Variants in HIVEP3 observed in about 807,000 individuals in gnomAD.
HIVEP3 encodes the protein HIVEP zinc finger 3.
In HIVEP3, 49 loss-of-function variants were observed where a neutral mutation model predicts 152.8. The ratio of observed to expected loss-of-function variants is 0.32; its 90% confidence interval spans 0.26 to 0.41. The LOEUF (loss-of-function observed/expected upper bound fraction) is 0.41, where lower values mean the gene tolerates loss of function less well. Ranked by LOEUF, HIVEP3 falls within the 10% of genes least tolerant of loss-of-function variation. HIVEP3 has a pLI of 1.00. For missense variants in HIVEP3, 2,790 were observed against 3,103.3 expected, an observed-to-expected ratio of 0.90 and a Z score of 2.40; for synonymous variants, 1,269 against 1,289.0, an observed-to-expected ratio of 0.98 and a Z score of 0.33.
chr1:41,802,854 T>G (rs571164259), intron 1 of HIVEP3, among the ~76,000 whole-genome samples: 1 of 152,290 alleles, frequency 6.6e-6, no homozygotes, highest in East Asian at 1.9e-4. Context: ...AGTTGCTAAT[T>G]TGACCTCTGA....
At chr1:41,687,042 T>TG (rs1646125263) in intron 2 of HIVEP3, among the ~76,000 whole-genome samples, 1 of 152,076 alleles carries the variant, frequency 6.6e-6, no homozygotes, top group South Asian at 2.1e-4. Flanking sequence ...TAGGAGGTGC[T>TG]GCCATGTTAA....
chr1:41,599,511 T>C (rs2149123004), intron 3 of HIVEP3, among the ~76,000 whole-genome samples: 1 of 152,278 alleles, frequency 6.6e-6, no homozygotes, highest in Admixed American at 6.5e-5. Context: ...TTGCAACACA[T>C]GTTTGAAAAC....
At chr1:41,812,517 G>A (rs1382673424) in intron 1 of HIVEP3, among the ~76,000 whole-genome samples, 1 of 152,164 alleles carries the variant, frequency 6.6e-6, no homozygotes, top group African/African-American at 2.4e-5. Context: ...AAAGCCCACT[G>A]AGGAAATGCC....
At chr1:41,880,009 G>C (rs960598873) in intron 1 of HIVEP3, among the ~76,000 whole-genome samples, 4 of 152,128 alleles carry the variant, frequency 2.6e-5, no homozygotes, top group Non-Finnish European at 4.4e-5. Context: ...CCATTTTACA[G>C]ATCATGAGCA....
chr1:41,855,440 G>A (rs994408602), intron 1 of HIVEP3, among the ~76,000 whole-genome samples: 9 of 152,012 alleles, frequency 5.9e-5, no homozygotes, highest in Admixed American at 2.6e-4. Context: ...GAAAATTTTC[G>A]CAACCTACTC....
At chr1:41,816,823 C>T (rs1445699873) in intron 1 of HIVEP3, among the ~76,000 whole-genome samples, 2 of 152,202 alleles carry the variant, frequency 1.3e-5, no homozygotes, top group African/African-American at 4.8e-5. Context: ...CCTAACACAC[C>T]ACTTGCTTCA....
At chr1:41,737,119 C>T (rs1216416656) in intron 1 of HIVEP3, among the ~76,000 whole-genome samples, 2 of 152,178 alleles carry the variant, frequency 1.3e-5, no homozygotes, top group African/African-American at 4.8e-5. Flanking sequence ...AGTGCCCACT[C>T]ATGAACATAG....
chr1:41,966,975 G>T (rs192480643), intron 1 of HIVEP3, among the ~76,000 whole-genome samples: 4 of 152,188 alleles, frequency 2.6e-5, no homozygotes, highest in African/African-American at 9.6e-5. Flanking sequence ...TAATGGAAAA[G>T]GGTTCAATTC....
intron 1 of HIVEP3, among the ~76,000 whole-genome samples, chr1:41,794,010 T>C (rs1177474176): frequency 1.3e-5 from 2 of 152,244 alleles, no homozygotes; most frequent in Admixed American, 6.5e-5. Flanking sequence ...AGTCTCTTAA[T>C]ATTGCAAACA....
chr1:41,508,879 C>G lies in HIVEP3; in HGVS notation c.*1572G>C, dbSNP rs1018801901. Reference sequence around the variant, plus strand: ...CAAACCCAGCCTTCACGGGCCTCAACCGTAGTCCCTGTGCTGCCCTCCCTT... The same window carrying G: ...CAAACCCAGCCTTCACGGGCCTCAAGCGTAGTCCCTGTGCTGCCCTCCCTT... On this transcript the variant is annotated 3_prime_UTR_variant, in exon 9 of 9. Transcript: ENST00000372583. 4 of 152,244 alleles carry G rather than the reference C, an allele frequency of 2.6e-5. No individual in the cohort carries two copies. The highest frequency in any genetic ancestry group is 6.5e-5 in the Admixed American group (1 of 15,292). 9.4% of individuals were successfully genotyped at this position (152,244 alleles called of 1,614,324 possible). A position where few individuals can be genotyped will look rare whatever the true frequency, so the allele number is the denominator to read the frequency against.
intron 5 of HIVEP3, among the ~76,000 whole-genome samples, chr1:41,531,712 G>T (rs1643260737): frequency 9.7e-6 from 1 of 103,626 alleles, no homozygotes; most frequent in African/African-American, 3.9e-5. Flanking sequence ...ATGGAGGACA[G>T]GAGAGATGGA....
chr1:41,793,247 C>A (rs1649800188), intron 1 of HIVEP3, among the ~76,000 whole-genome samples: 1 of 152,238 alleles, frequency 6.6e-6, no homozygotes, highest in African/African-American at 2.4e-5. Flanking sequence ...CTCCTGATAC[C>A]TGAGCCAACT....
intron 1 of HIVEP3, among the ~76,000 whole-genome samples, chr1:41,778,381 C>T (rs1648841655): frequency 6.6e-6 from 1 of 152,206 alleles, no homozygotes; most frequent in Non-Finnish European, 1.5e-5. Flanking sequence ...TCCTGACACT[C>T]ACCATGAGCC....
chr1:42,014,532 C>T (rs1191268310), intron 1 of HIVEP3, among the ~76,000 whole-genome samples: 2 of 152,142 alleles, frequency 1.3e-5, no homozygotes, highest in Admixed American at 6.5e-5. Flanking sequence ...ATATCCACAT[C>T]CTGAGCTTCA....
intron 1 of HIVEP3, among the ~76,000 whole-genome samples, chr1:41,889,314 A>G (rs1343582675): frequency 6.6e-6 from 1 of 152,126 alleles, no homozygotes; most frequent in Non-Finnish European, 1.5e-5. Flanking sequence ...TTGCTGGGAA[A>G]CCTTAGTTGC....
At chr1:41,899,308 T>C (rs1262015480) in intron 1 of HIVEP3, among the ~76,000 whole-genome samples, 1 of 152,166 alleles carries the variant, frequency 6.6e-6, no homozygotes, top group Non-Finnish European at 1.5e-5. Flanking sequence ...CCCAGAAGAG[T>C]AGGATGTCTA....
chr1:41,900,128 T>C (rs762813710), intron 1 of HIVEP3, among the ~76,000 whole-genome samples: 4 of 152,210 alleles, frequency 2.6e-5, no homozygotes, highest in Non-Finnish European at 5.9e-5. Context: ...AGCTCCCTGC[T>C]TAAGAATAGC....
intron 1 of HIVEP3, among the ~76,000 whole-genome samples, chr1:41,792,982 G>A (rs1412372618): frequency 6.6e-6 from 1 of 152,166 alleles, no homozygotes; most frequent in African/African-American, 2.4e-5. Flanking sequence ...CCTGGATTCT[G>A]CTCTTTCCAA....
chr1:41,753,454 G>A (rs1647198398), intron 1 of HIVEP3, among the ~76,000 whole-genome samples: 1 of 152,044 alleles, frequency 6.6e-6, no homozygotes, highest in Admixed American at 6.6e-5. Context: ...GATCACTTGA[G>A]GTCAGGAGTT....
Sources: gnomAD v4.1 joint callset for allele counts (sites outside exome capture counted in the v4.1 genomes callset) on GRCh38, gnomAD v4.1.1 for gene constraint, MANE v1.5 for transcripts, NCBI Gene and HGNC (gene_info 2026-07-23, HGNC 2026-07-21) for gene names.